NXPE4: variants seen among roughly 807,000 people sequenced by gnomAD.
NXPE4 encodes neurexophilin and PC-esterase domain family member 4, also known as NXPE family member 4.
A neutral mutation model predicts 33.3 loss-of-function variants in NXPE4; 42 were observed. The observed-to-expected ratio is 1.26, with a 90% CI of 0.98 to 1.63. The LOEUF (loss-of-function observed/expected upper bound fraction) is 1.63. Among genes scored for constraint, NXPE4 ranks in the 40% most tolerant of loss-of-function variants. The pLI is 0.00. For missense variants in NXPE4, 709 were observed against 647.6 expected (o/e 1.09, Z -1.03); for synonymous variants, 253 against 234.9 (o/e 1.08, Z -0.71).
At chr11:114,650,368 A>G in the NXPE4 span, among the ~76,000 whole-genome samples, 2 of 152,234 alleles carry the variant, frequency 1.3e-5, no homozygotes, top group African/African-American at 4.8e-5. Context: ...ACAATCACCC[A>G]TGAGCTCTTC....
At chr11:114,583,903 CA>C in intron 2 of NXPE4, 1 of 392,338 alleles carries the variant, frequency 2.5e-6, no homozygotes, top group Non-Finnish European at 5.0e-6. Context: ...TTGGGGCTGG[CA>C]AAGGCAGATA....
At chr11:114,632,148 TG>T in the NXPE4 span, among the ~76,000 whole-genome samples, 1 of 142,902 alleles carries the variant, frequency 7.0e-6, no homozygotes, top group Non-Finnish European at 1.5e-5. Flanking sequence ...TAATTTATTA[TG>T]TTATAAATAA....
chr11:114,661,962 C>T, the NXPE4 span, among the ~76,000 whole-genome samples: 1 of 152,092 alleles, frequency 6.6e-6, no homozygotes, highest in Non-Finnish European at 1.5e-5. Flanking sequence ...GTAAAAGGAC[C>T]TGTAGGAGGT....
chr11:114,625,768 T>A, the NXPE4 span, among the ~76,000 whole-genome samples: 7 of 152,068 alleles, frequency 4.6e-5, no homozygotes, highest in Non-Finnish European at 8.8e-5. Context: ...AGGTACCAGG[T>A]TCATCTCATT....
At chr11:114,583,544 G>C in intron 2 of NXPE4, 1 of 603,948 alleles carries the variant, frequency 1.7e-6, no homozygotes, top group Admixed American at 1.9e-5. Flanking sequence ...CAACGTTAGT[G>C]AGGACTGTCC....
chr11:114,637,775 A>C, the NXPE4 span, among the ~76,000 whole-genome samples: 1 of 151,866 alleles, frequency 6.6e-6, no homozygotes, highest in Non-Finnish European at 1.5e-5. Flanking sequence ...TCTCTTTAAG[A>C]ATGTTGAATA....
chr11:114,573,307 C>A (rs1429106939), intron 5 of NXPE4, among the ~76,000 whole-genome samples: 1 of 151,966 alleles, frequency 6.6e-6, no homozygotes, highest in Non-Finnish European at 1.5e-5. Context: ...AAAAGAAAAA[C>A]AAGGTATTTA....
At chr11:114,673,208 C>T in the NXPE4 span, among the ~76,000 whole-genome samples, 2 of 150,828 alleles carry the variant, frequency 1.3e-5, no homozygotes, top group Admixed American at 6.6e-5. Context: ...TAAAATTAAA[C>T]AACACACTAC....
the NXPE4 span, among the ~76,000 whole-genome samples, chr11:114,608,255 GT>G: frequency 6.6e-6 from 1 of 151,216 alleles, no homozygotes; most frequent in East Asian, 2.0e-4. Flanking sequence ...GTGTATAAAA[GT>G]TTTGCCTTGT....
the NXPE4 span, among the ~76,000 whole-genome samples, chr11:114,615,829 A>G: frequency 3.3e-5 from 5 of 151,484 alleles, no homozygotes; most frequent in Admixed American, 3.3e-4. Context: ...AACCACTGTT[A>G]CCCTGTGGAT....
At chr11:114,638,434 TTTGA>T in the NXPE4 span, among the ~76,000 whole-genome samples, 6 of 152,030 alleles carry the variant, frequency 3.9e-5, no homozygotes, top group Admixed American at 2.0e-4. Flanking sequence ...CTCAGAGTAG[TTTGA>T]TTGTCTGAAG....
chr11:114,632,605 TTA>T, the NXPE4 span, among the ~76,000 whole-genome samples: 4 of 103,114 alleles, frequency 3.9e-5, no homozygotes, highest in African/African-American at 1.6e-4. Context: ...ATGTATATAT[TTA>T]TATTTTATAT....
At chr11:114,580,424 C>A in intron 4 of NXPE4, 86 bp from the exon 5 acceptor site, 3 of 1,085,990 alleles carry the variant, frequency 2.8e-6, no homozygotes, top group Non-Finnish European at 4.2e-6. Flanking sequence ...CTCTAAGTAT[C>A]CTAAGAGGGG....
chr11:114,612,443 A>G, the NXPE4 span, among the ~76,000 whole-genome samples: 2 of 151,830 alleles, frequency 1.3e-5, no homozygotes, highest in African/African-American at 4.8e-5. Context: ...GTGGGTCACC[A>G]CTGCTACCTG....
At chr11:114,581,616 T>C in intron 4 of NXPE4, 109 bp downstream of exon 4, 1 of 858,044 alleles carries the variant, frequency 1.2e-6, no homozygotes, top group Non-Finnish European at 1.9e-6. Flanking sequence ...ATAAGCCAGA[T>C]GAACAGAGTG....
the NXPE4 span, among the ~76,000 whole-genome samples, chr11:114,654,374 G>A: frequency 6.6e-6 from 1 of 151,910 alleles, no homozygotes; most frequent in African/African-American, 2.4e-5. Flanking sequence ...AAAAAAAATG[G>A]GATACACATG....
At chr11:114,602,708 C>A in the NXPE4 span, among the ~76,000 whole-genome samples, 4 of 132,410 alleles carry the variant, frequency 3.0e-5, no homozygotes, top group Admixed American at 3.1e-4. Flanking sequence ...ATAATAATTA[C>A]AGAATCACAT....
chr11:114,627,019 T>G, the NXPE4 span, among the ~76,000 whole-genome samples: 1 of 151,168 alleles, frequency 6.6e-6, no homozygotes, highest in South Asian at 2.1e-4. Flanking sequence ...TGGGACTATG[T>G]GACAAGACCA....
the NXPE4 span, among the ~76,000 whole-genome samples, chr11:114,662,980 G>A: frequency 6.6e-6 from 1 of 152,188 alleles, no homozygotes; most frequent in South Asian, 2.1e-4. Flanking sequence ...ATGGAGGAGA[G>A]CAACAAGCAG....
Sources: allele counts gnomAD v4.1 joint callset (sites outside exome capture counted in the v4.1 genomes callset), GRCh38; gene constraint gnomAD v4.1.1; transcripts MANE v1.5; gene names NCBI Gene and HGNC (gene_info 2026-07-23, HGNC 2026-07-21).